Variants in DAB1 observed in about 807,000 individuals in gnomAD.
DAB1 encodes the protein DAB adaptor protein 1.
In DAB1, 15 loss-of-function variants were observed where a neutral mutation model predicts 64.6. That is an observed-to-expected ratio of 0.23 (90% CI 0.16 to 0.36). The LOEUF (loss-of-function observed/expected upper bound fraction) is 0.36. DAB1 is among the 10% of genes least tolerant of loss of function. The pLI is 1.00. For missense variants in DAB1, 596 were observed against 706.7 expected, an observed-to-expected ratio of 0.84 and a Z score of 1.78; for synonymous variants, 235 against 251.9, an observed-to-expected ratio of 0.93 and a Z score of 0.64.
At chr1:58,061,033 T>G (rs1352488126) in intron 5 of DAB1, among the ~76,000 whole-genome samples, 3 of 152,122 alleles carry the variant, frequency 2.0e-5, no homozygotes, top group African/African-American at 7.2e-5. Flanking sequence ...CATCCCTCCC[T>G]TTGGCAGGGG....
chr1:57,469,210 G>A (rs1687058412), intron 7 of DAB1, among the ~76,000 whole-genome samples: 1 of 152,276 alleles, frequency 6.6e-6, no homozygotes, highest in East Asian at 1.9e-4. Flanking sequence ...TTGTAAATGG[G>A]CATGATTCCT....
intron 9 of DAB1, among the ~76,000 whole-genome samples, chr1:57,047,723 T>C (rs558494303): frequency 1.7e-4 from 26 of 152,310 alleles, no homozygotes; most frequent in African/African-American, 6.0e-4. Context: ...GATTAAGACA[T>C]GGCCCCATAG....
rs536637448 is a variant in DAB1 at position 58,498,064 on chromosome 1, G to A, written n.257+7996C>T. ...CTCCCCTATAAGGCCCTGATATCTG[G>A]GCTTTATATCAAAATACTTCTGAGA... On this transcript the variant is annotated intron_variant and non_coding_transcript_variant, in intron 3 of 20. Coordinates refer to the DAB1 transcript ENST00000485760. Among the ~76,000 whole-genome samples, 5 of 151,984 alleles carry A rather than the reference G, an allele frequency of 3.3e-5. No homozygotes were observed. In the East Asian group the frequency reaches 9.7e-4, roughly 29 times the overall value.
chr1:57,812,310 A>T (rs1341173618), intron 6 of DAB1, among the ~76,000 whole-genome samples: 22 of 134,350 alleles, frequency 1.6e-4, no homozygotes, highest in African/African-American at 6.4e-4. Flanking sequence ...ACAACCTGGG[A>T]TTCATTGCCA....
chr1:57,114,468 GA>G (rs201851528), intron 4 of DAB1, among the ~76,000 whole-genome samples: 2 of 150,786 alleles, frequency 1.3e-5, no homozygotes, highest in African/African-American at 2.4e-5. Context: ...ATGTTAAGAA[GA>G]AAAAAAAAGC....
intron 4 of DAB1, among the ~76,000 whole-genome samples, chr1:58,221,199 G>A (rs998128794): frequency 3.3e-5 from 5 of 152,050 alleles, no homozygotes; most frequent in African/African-American, 4.8e-5. Context: ...CAGCTTGCCT[G>A]AGAAAATATG....
At chr1:57,900,763 T>C (rs1056136747) in intron 5 of DAB1, among the ~76,000 whole-genome samples, 1 of 152,220 alleles carries the variant, frequency 6.6e-6, no homozygotes, top group Admixed American at 6.5e-5. Flanking sequence ...CTTCTCTGAC[T>C]TCCCAGCTCT....
At chr1:58,304,802 G>A (rs573505182) in intron 4 of DAB1, among the ~76,000 whole-genome samples, 5 of 152,178 alleles carry the variant, frequency 3.3e-5, no homozygotes, top group South Asian at 2.1e-4. Context: ...GGATTCTGAC[G>A]CAGCAGGACT....
In DAB1 at chr1:57,489,864, T is replaced by C. The variant is rs548098579; in HGVS notation, n.625+159728A>G. On this transcript the variant is annotated intron_variant and non_coding_transcript_variant, in intron 7 of 20. Coordinates refer to the DAB1 transcript ENST00000485760. ...AGGGAGTGACTCATTCAAATGCTAATGTCTGAATGTTTATGTCCCCTCTCT... is the reference window on the plus strand; with the variant it reads ...AGGGAGTGACTCATTCAAATGCTAACGTCTGAATGTTTATGTCCCCTCTCT... Among the ~76,000 whole-genome samples the C allele has an allele frequency of 4.8e-3, 734 of 152,330 alleles. 6 individuals carry two copies. The highest frequency in any genetic ancestry group is 7.1e-3 in the Non-Finnish European group (483 of 68,024).
intron 5 of DAB1, among the ~76,000 whole-genome samples, chr1:57,906,529 CTT>C (rs1644554024): frequency 6.6e-6 from 1 of 152,124 alleles, no homozygotes; most frequent in Non-Finnish European, 1.5e-5. Flanking sequence ...CAGCTGTGGG[CTT>C]TTATCCCACA....
intron 6 of DAB1, among the ~76,000 whole-genome samples, chr1:57,821,046 G>T (rs1405029452): frequency 1.3e-5 from 2 of 152,080 alleles, no homozygotes; most frequent in Non-Finnish European, 2.9e-5. Context: ...AACCAAGCCA[G>T]TTCTTACTCT....
At chr1:57,152,665 T>A (rs1442753231) in intron 2 of DAB1, among the ~76,000 whole-genome samples, 2 of 152,262 alleles carry the variant, frequency 1.3e-5, no homozygotes, top group African/African-American at 4.8e-5. Flanking sequence ...AAAAGATGGT[T>A]TCAAAAGTGT....
intron 6 of DAB1, among the ~76,000 whole-genome samples, chr1:57,709,452 A>C (rs147031156): frequency 0.014 from 2,191 of 151,794 alleles, 44 homozygotes; most frequent in African/African-American, 0.043. Flanking sequence ...TTCTCTCTCT[A>C]TATATATATG....
At chr1:57,427,504 T>C (rs1685334716), upstream of DAB1, among the ~76,000 whole-genome samples, 1 of 152,188 alleles carries the variant, frequency 6.6e-6, no homozygotes, top group Non-Finnish European at 1.5e-5. Context: ...TGACCTATCA[T>C]GGAAATCAAA....
intron 4 of DAB1, among the ~76,000 whole-genome samples, chr1:58,205,125 A>T (rs770474615): frequency 3.3e-5 from 5 of 152,206 alleles, no homozygotes; most frequent in African/African-American, 4.8e-5. Context: ...GCCGGGCCCC[A>T]ATCCCAGGTT....
chr1:57,670,241 C>T (rs887735315), intron 6 of DAB1, among the ~76,000 whole-genome samples: 3 of 152,088 alleles, frequency 2.0e-5, no homozygotes, highest in Admixed American at 1.3e-4. Context: ...CATCCTCTCA[C>T]CAAATTTGTT....
chr1:57,741,544 G>A (rs1647994232), intron 6 of DAB1, among the ~76,000 whole-genome samples: 1 of 152,166 alleles, frequency 6.6e-6, no homozygotes, highest in Admixed American at 6.5e-5. Context: ...GTTCCATGAG[G>A]AAGTGATGTC....
At chr1:57,408,540 A>T (rs1393624125) in intron 1 of DAB1, among the ~76,000 whole-genome samples, 1 of 152,174 alleles carries the variant, frequency 6.6e-6, no homozygotes, top group Non-Finnish European at 1.5e-5. Flanking sequence ...GGAATTGCAG[A>T]AAAGGGACTG....
chr1:57,430,183 C>T (rs996737889), intron 7 of DAB1, among the ~76,000 whole-genome samples: 3 of 152,074 alleles, frequency 2.0e-5, no homozygotes, highest in African/African-American at 7.2e-5. Context: ...CAGTTTTCAA[C>T]GTGCAGATCT....
Sources: allele counts gnomAD v4.1 joint callset (sites outside exome capture counted in the v4.1 genomes callset), GRCh38; gene constraint gnomAD v4.1.1; transcripts MANE v1.5; gene names NCBI Gene and HGNC (gene_info 2026-07-23, HGNC 2026-07-21).